Variants in ALOX5 observed in about 807,000 individuals in gnomAD.
The protein encoded by ALOX5 is polyunsaturated fatty acid 5-lipoxygenase.
Under a neutral mutation model 87.9 loss-of-function variants are expected in ALOX5, and 64 were observed. That is an observed-to-expected ratio of 0.73 (90% CI 0.60 to 0.90). ALOX5 has a LOEUF of 0.90. ALOX5 is among the 40% of genes least tolerant of loss of function. The pLI, the probability that ALOX5 is intolerant of heterozygous loss-of-function variation, is 0.00. For synonymous variants in ALOX5, 388 were observed against 355.1 expected, an observed-to-expected ratio of 1.09 and a Z score of -1.04; for missense variants, 822 against 907.5, an observed-to-expected ratio of 0.91 and a Z score of 1.21.
At chr10:45,378,600 T>C (rs1032399269) in intron 1 of ALOX5, among the ~76,000 whole-genome samples, 5 of 152,192 alleles carry the variant, frequency 3.3e-5, no homozygotes, top group Non-Finnish European at 7.4e-5. Flanking sequence ...AAGGTGGCCA[T>C]TGTAGTTCCA....
At chr10:45,422,450 G>T (rs1329378220) in intron 4 of ALOX5, among the ~76,000 whole-genome samples, 1 of 152,190 alleles carries the variant, frequency 6.6e-6, no homozygotes, top group African/African-American at 2.4e-5. Flanking sequence ...CCTCCTCAGG[G>T]GTGGGCAGGA....
At chr10:45,396,059 C>T (rs556851751) in intron 3 of ALOX5, 123 bp downstream of exon 3, 2 of 902,652 alleles carry the variant, frequency 2.2e-6, no homozygotes, top group Admixed American at 2.4e-5. Context: ...CACCAAGGCA[C>T]CAGCTCCCAG....
intron 13 of ALOX5, 108 bp from the exon 14 acceptor site, chr10:45,445,400 C>G: frequency 7.4e-7 from 1 of 1,347,132 alleles, no homozygotes; most frequent in Non-Finnish European, 1.0e-6. Context: ...AATAGATGCT[C>G]CCTCCTTCAT....
At chr10:45,374,693 T>G (rs66489870) in intron 1 of ALOX5, among the ~76,000 whole-genome samples, 25,444 of 152,156 alleles carry the variant, frequency 0.17, 2,202 homozygotes, top group South Asian at 0.19. Flanking sequence ...ACTTCCCGCG[T>G]GCCGCCTGCA....
intron 3 of ALOX5, among the ~76,000 whole-genome samples, chr10:45,400,281 T>G (rs1219349962): frequency 6.6e-6 from 1 of 152,172 alleles, no homozygotes; most frequent in East Asian, 1.9e-4. Flanking sequence ...AGTTTATCCA[T>G]ACAATGGGAT....
chr10:45,392,010 C>T (rs976325613), intron 2 of ALOX5, among the ~76,000 whole-genome samples: 7 of 151,518 alleles, frequency 4.6e-5, no homozygotes, highest in African/African-American at 7.3e-5. Context: ...GCCCCCCGCC[C>T]GGCCAGCCGC....
At chr10:45,413,599 C>G (rs368843617) in intron 4 of ALOX5, among the ~76,000 whole-genome samples, 2 of 152,096 alleles carry the variant, frequency 1.3e-5, no homozygotes, top group Non-Finnish European at 2.9e-5. Context: ...CCAGGGCAAT[C>G]AGGCAGGAGA....
intron 4 of ALOX5, among the ~76,000 whole-genome samples, chr10:45,418,389 G>C (rs1348169596): frequency 2.6e-5 from 4 of 152,182 alleles, no homozygotes; most frequent in African/African-American, 9.7e-5. Context: ...CCAGGGTTGT[G>C]AGATTAAAAT....
intron 1 of ALOX5, among the ~76,000 whole-genome samples, chr10:45,375,472 T>C (rs750799461): frequency 6.6e-6 from 1 of 152,162 alleles, no homozygotes; most frequent in Non-Finnish European, 1.5e-5. Flanking sequence ...CCACCCCAGC[T>C]CCTAACTGGA....
chr10:45,438,306 C>T (rs2132846754), intron 7 of ALOX5, among the ~76,000 whole-genome samples: 2 of 152,246 alleles, frequency 1.3e-5, no homozygotes, highest in East Asian at 3.9e-4. Flanking sequence ...GCCGGCTGAG[C>T]TCTTTACCTA....
intron 3 of ALOX5, 75 bp downstream of exon 3, chr10:45,396,011 C>G (rs1840488987): frequency 6.8e-7 from 1 of 1,478,098 alleles, no homozygotes; most frequent in Non-Finnish European, 9.4e-7. Context: ...ATGAAATAAA[C>G]CCTTTCCACA....
At chr10:45,411,952 A>G (rs78130427) in intron 3 of ALOX5, among the ~76,000 whole-genome samples, 5,401 of 152,268 alleles carry the variant, frequency 0.035, 213 homozygotes, top group East Asian at 0.18. Context: ...GTACCACTAT[A>G]AGCCCAGTCT....
intron 1 of ALOX5, among the ~76,000 whole-genome samples, chr10:45,376,873 C>T (rs1839633374): frequency 6.6e-6 from 1 of 152,340 alleles, no homozygotes; most frequent in South Asian, 2.1e-4. Context: ...TCTTCCTTGG[C>T]TCCTCACTGT....
At chr10:45,398,634 A>G (rs1022461445) in intron 3 of ALOX5, among the ~76,000 whole-genome samples, 4 of 152,240 alleles carry the variant, frequency 2.6e-5, no homozygotes, top group Non-Finnish European at 5.9e-5. Context: ...CATAATTTAT[A>G]AAGAACTCTT....
intron 4 of ALOX5, among the ~76,000 whole-genome samples, chr10:45,423,134 G>A (rs1271396610): frequency 6.6e-6 from 1 of 152,212 alleles, no homozygotes. Context: ...TTAGTCCACA[G>A]CAGAAAAGAA....
chr10:45,380,129 C>T (rs914811124), intron 1 of ALOX5, among the ~76,000 whole-genome samples: 2 of 152,210 alleles, frequency 1.3e-5, no homozygotes, highest in East Asian at 1.9e-4. Flanking sequence ...CCATGATGGG[C>T]GAGGCCTTGT....
intron 2 of ALOX5, among the ~76,000 whole-genome samples, chr10:45,388,917 C>A (rs995520321): frequency 4.6e-5 from 7 of 151,702 alleles, no homozygotes; most frequent in African/African-American, 1.7e-4. Context: ...AAGTTGGAAC[C>A]CATCGCAAAA....
intron 3 of ALOX5, among the ~76,000 whole-genome samples, chr10:45,401,052 G>A (rs1254556360): frequency 6.6e-6 from 1 of 152,218 alleles, no homozygotes; most frequent in East Asian, 1.9e-4. Flanking sequence ...CTCTACAAGT[G>A]TTTGATGGAT....
chr10:45,430,125 G>A (rs1226644379), intron 7 of ALOX5, among the ~76,000 whole-genome samples: 6 of 152,154 alleles, frequency 3.9e-5, no homozygotes, highest in East Asian at 1.9e-4. Flanking sequence ...GGAGATCCCC[G>A]GAGATCCCAG....
Sources: allele counts gnomAD v4.1 joint callset (sites outside exome capture counted in the v4.1 genomes callset), GRCh38; gene constraint gnomAD v4.1.1; transcripts MANE v1.5; gene names NCBI Gene and HGNC (gene_info 2026-07-23, HGNC 2026-07-21).